Variants in MASP1 observed in about 807,000 individuals in gnomAD.
MASP1 encodes mannan-binding lectin serine protease 1.
A neutral mutation model predicts 77.1 loss-of-function variants in MASP1; 59 were observed. The observed-to-expected ratio is 0.77, with a 90% CI of 0.62 to 0.95. The LOEUF is 0.95. Ranked by LOEUF, MASP1 falls within the 40% of genes least tolerant of loss-of-function variation. MASP1 has a pLI of 0.00. For missense variants in MASP1, 885 were observed against 912.9 expected (o/e 0.97, Z 0.39); for synonymous variants, 362 against 354.5 (o/e 1.02, Z -0.24).
chr3:187,285,716 T>C, intron 2 of MASP1, 109 bp downstream of exon 2: 1 of 846,704 alleles, frequency 1.2e-6, no homozygotes, highest in Non-Finnish European at 2.0e-6. Context: ...CATTGTGATG[T>C]TGTGTGTCTC....
intron 5 of MASP1, among the ~76,000 whole-genome samples, chr3:187,254,260 G>T (rs1714878961): frequency 6.6e-6 from 1 of 152,288 alleles, no homozygotes; most frequent in Middle Eastern, 3.4e-3. Flanking sequence ...GTAACCTATA[G>T]AAGTAATCAT....
At chr3:187,278,197 T>G (rs1394566156) in intron 2 of MASP1, among the ~76,000 whole-genome samples, 3 of 152,230 alleles carry the variant, frequency 2.0e-5, no homozygotes, top group Non-Finnish European at 4.4e-5. Flanking sequence ...GTTAAGCAAC[T>G]GCTCCAGTAA....
intron 2 of MASP1, among the ~76,000 whole-genome samples, chr3:187,264,086 T>C (rs1715825078): frequency 6.6e-6 from 1 of 152,224 alleles, no homozygotes; most frequent in South Asian, 2.1e-4. Context: ...GAATTCATTG[T>C]TTTGTTCGTT....
rs1049596725 is a variant in MASP1, at chr3:187,234,743, G to A, written c.*941C>T. The A allele has an allele frequency of 1.6e-6, 2 of 1,287,162 alleles. No individual in the cohort carries two copies. The highest frequency in any genetic ancestry group is 1.5e-5 in the African/African-American group (1 of 65,802). The allele number at this position is 1,287,162 out of a possible 1,614,324, so 79.7% of individuals were successfully genotyped here. A position where few individuals can be genotyped will look rare whatever the true frequency, so the allele number is the denominator to read the frequency against. On this transcript the variant is annotated 3_prime_UTR_variant, in exon 11 of 11. Transcript: ENST00000296280. ...TTCCATTTTCCTGCCCAAAAGCACA[G>A]CAGGACACAGTGTGGGTCTTTTCTT...
At chr3:187,218,070 T>G (rs1371932723) in exon 16 of MASP1, 1 of 152,262 alleles carries the variant, frequency 6.6e-6, no homozygotes, top group Non-Finnish European at 1.5e-5. Flanking sequence ...CCGTCTTACC[T>G]GTGGACAAGG....
downstream of MASP1, among the ~76,000 whole-genome samples, chr3:187,230,154 C>A (rs1244247989): frequency 6.6e-6 from 1 of 152,220 alleles, no homozygotes; most frequent in Non-Finnish European, 1.5e-5. Context: ...AAGCCATGCA[C>A]TTTCTGGTCA....
At chr3:187,253,022 G>A (rs1161975352) in intron 6 of MASP1, 146 bp downstream of exon 6, 5 of 959,016 alleles carry the variant, frequency 5.2e-6, no homozygotes, top group Non-Finnish European at 4.9e-6. Flanking sequence ...TCAGGAGAAA[G>A]CACGTGCCTT....
At chr3:187,251,423 A>AC (rs1192200267) in intron 7 of MASP1, 28 of 562,720 alleles carry the variant, frequency 5.0e-5, no homozygotes, top group African/African-American at 3.8e-4. Flanking sequence ...AAAAAAAAAA[A>AC]AAAAACAAAC....
chr3:187,229,616 G>C (rs746298099), downstream of MASP1: 6 of 1,081,862 alleles, frequency 5.5e-6, no homozygotes, highest in Non-Finnish European at 8.1e-6. Context: ...CCAGGATCCA[G>C]TCTAGCCGAG....
intron 10 of MASP1, among the ~76,000 whole-genome samples, chr3:187,237,289 T>C (rs1713264312): frequency 6.6e-6 from 1 of 152,266 alleles, no homozygotes; most frequent in South Asian, 2.1e-4. Context: ...TGAGTTTAAG[T>C]GACTAGCCCA....
In MASP1 at chr3:187,244,151, C is replaced by A. The variant is rs73886122; in HGVS notation, c.1091-530G>T. The A allele has an allele frequency of 3.8e-3, 636 of 167,864 alleles. 3 individuals carry two copies. The highest frequency in any genetic ancestry group is 0.014 in the African/African-American group (604 of 41,892). 10.4% of individuals were successfully genotyped at this position (167,864 alleles called of 1,614,324 possible). A position where few individuals can be genotyped will look rare whatever the true frequency, so the allele number is the denominator to read the frequency against. On this transcript the variant is annotated intron_variant, in intron 8 of 10. Coordinates refer to ENST00000296280, the MANE Select transcript of MASP1 (RefSeq NM_139125.4). ...ACCCAGCTCCTGTATGAGTACACAG[C>A]CCCACCCTGCTGCCTCTCTACAGGC...
chr3:187,224,317 T>C (rs1272580039), intron 13 of MASP1, among the ~76,000 whole-genome samples: 8 of 150,518 alleles, frequency 5.3e-5, no homozygotes. Flanking sequence ...ATGGTCACAG[T>C]GGTGTTTGAG....
At chr3:187,281,096 A>T (rs1022494280) in intron 2 of MASP1, among the ~76,000 whole-genome samples, 3 of 152,366 alleles carry the variant, frequency 2.0e-5, no homozygotes, top group African/African-American at 7.2e-5. Context: ...AGCATTAACC[A>T]GCCTTGATTC....
At position 187,219,817 on chromosome 3, in the gene MASP1, G is replaced by A. The variant is rs1711928190; in HGVS notation, c.*254C>T. 15 of 538,950 alleles carry A rather than the reference G, an allele frequency of 2.8e-5. No homozygotes were observed. The South Asian group carries it at 3.1e-4, about 11-fold the overall frequency. The allele number at this position is 538,950 out of a possible 1,614,324, so 33.4% of individuals were successfully genotyped here. ...TGAAGAAACTGAAGTTCGAAGAGAT[G>A]AAGTCACCTGCCCAGCACTGCAAAC... is the stretch of plus-strand genomic sequence containing the variant. On this transcript the variant is annotated 3_prime_UTR_variant, in exon 16 of 16. Transcript: ENST00000337774.
Position 187,236,011 on chromosome 3 carries a change from G to C in MASP1, c.1860C>G (p.Val620=). 1 of 1,614,210 alleles carries C rather than the reference G, an allele frequency of 6.2e-7. No homozygotes were observed. The highest frequency in any genetic ancestry group is 8.5e-7 in the Non-Finnish European group (1 of 1,180,042). ...CAGCGTGAGGCACCACGGGTAACTT[G>C]ACATACTGCAGGACATCTGACAAGG... is the stretch of plus-strand genomic sequence containing the variant. ...TRTLSDVLQY[V]KLPVVPHAEC... Residue 620 remains valine (V), a synonymous_variant, in exon 11 of 11, where the codon GTC becomes GTG. Transcript: ENST00000296280.
exon 16 of MASP1, chr3:187,217,418 A>C (rs1479487828): frequency 1.3e-5 from 2 of 152,244 alleles, no homozygotes; most frequent in Non-Finnish European, 2.9e-5. Flanking sequence ...AGCTTCAGTT[A>C]TACAAACTGT....
chr3:187,273,532 AC>A (rs1435823761), intron 2 of MASP1, among the ~76,000 whole-genome samples: 42 of 152,232 alleles, frequency 2.8e-4, no homozygotes, highest in Non-Finnish European at 5.3e-4. Flanking sequence ...CCAATGATTC[AC>A]CGACAGCCCC....
chr3:187,253,839 G>T (rs181319247), intron 5 of MASP1, among the ~76,000 whole-genome samples: 2 of 152,188 alleles, frequency 1.3e-5, no homozygotes, highest in African/African-American at 4.8e-5. Flanking sequence ...GGCCTGTCAG[G>T]GGGTGGCGGG....
intron 2 of MASP1, among the ~76,000 whole-genome samples, chr3:187,271,843 T>G (rs1005030904): frequency 7.9e-5 from 12 of 152,102 alleles, no homozygotes; most frequent in Admixed American, 7.2e-4. Context: ...TGTCTTCCCT[T>G]CATCACAGAA....
Sources: gnomAD v4.1 joint callset for allele counts (sites outside exome capture counted in the v4.1 genomes callset) on GRCh38, gnomAD v4.1.1 for gene constraint, MANE v1.5 for transcripts, NCBI Gene and HGNC (gene_info 2026-07-23, HGNC 2026-07-21) for gene names.